Variants in PTPRK observed in about 807,000 individuals in gnomAD.
PTPRK encodes protein tyrosine phosphatase receptor type K.
In PTPRK, 75 loss-of-function variants were observed where a neutral mutation model predicts 178.0. The ratio of observed to expected loss-of-function variants is 0.42; its 90% confidence interval spans 0.35 to 0.51. The LOEUF (loss-of-function observed/expected upper bound fraction) is 0.51, where lower values mean the gene tolerates loss of function less well. Ranked by LOEUF, PTPRK falls within the 20% of genes least tolerant of loss-of-function variation. PTPRK has a pLI of 0.02. For synonymous variants in PTPRK, 637 were observed against 620.6 expected (o/e 1.03, Z -0.39); for missense variants, 1,441 against 1,797.8 (o/e 0.80, Z 3.59).
chr6:128,058,367 A>G (rs1199159775), intron 13 of PTPRK, among the ~76,000 whole-genome samples: 1 of 152,182 alleles, frequency 6.6e-6, no homozygotes, highest in Non-Finnish European at 1.5e-5. Flanking sequence ...GTATAGGTGT[A>G]GTGGAATCAC....
intron 2 of PTPRK, 23 bp from the exon 3 acceptor site, chr6:128,322,333 A>C: frequency 6.5e-7 from 1 of 1,530,292 alleles, no homozygotes; most frequent in Non-Finnish European, 9.0e-7. Flanking sequence ...TACAAATAAT[A>C]ATGCTAAAGA....
chr6:128,071,445 C>A (rs146654340), intron 11 of PTPRK, among the ~76,000 whole-genome samples: 1 of 151,972 alleles, frequency 6.6e-6, no homozygotes, highest in South Asian at 2.1e-4. Flanking sequence ...CCCAGAAATA[C>A]CCGTTTCAGT....
At chr6:128,504,185 CCT>C (rs1473290859) in intron 1 of PTPRK, among the ~76,000 whole-genome samples, 1 of 152,026 alleles carries the variant, frequency 6.6e-6, no homozygotes, top group African/African-American at 2.4e-5. Flanking sequence ...TAAAAGGACC[CCT>C]CTTATTCTTT....
intron 1 of PTPRK, among the ~76,000 whole-genome samples, chr6:128,459,022 T>C (rs117972120): frequency 0.017 from 2,516 of 152,098 alleles, 29 homozygotes; most frequent in Non-Finnish European, 0.027. Flanking sequence ...GGCTTGAAAA[T>C]TGGAATGTTT....
intron 3 of PTPRK, among the ~76,000 whole-genome samples, chr6:128,315,778 C>G (rs1210260709): frequency 6.6e-6 from 1 of 152,136 alleles, no homozygotes; most frequent in Non-Finnish European, 1.5e-5. Flanking sequence ...AGAATTGAAA[C>G]TGAAATCACC....
intron 7 of PTPRK, among the ~76,000 whole-genome samples, chr6:128,165,250 T>G (rs1411814735): frequency 6.6e-6 from 1 of 151,388 alleles, no homozygotes; most frequent in African/African-American, 2.4e-5. Context: ...TTTTGTTATA[T>G]AAAAAAGAAA....
At chr6:127,985,976 C>A in intron 21 of PTPRK, 101 bp from the exon 22 acceptor site, 17 of 1,119,686 alleles carry the variant, frequency 1.5e-5, no homozygotes, top group South Asian at 1.1e-4. Flanking sequence ...ACAATGATAA[C>A]AATAAAACCT....
chr6:128,299,510 G>C lies in PTPRK; in HGVS notation c.495+22529C>G, dbSNP rs908439343. ...CAGTAACCAAAACAGCATGGTACTG[G>C]TACCAAAACAGAGATATAGATCAAT... On this transcript the variant is annotated intron_variant, in intron 3 of 29. Transcript: ENST00000368226. Among the ~76,000 whole-genome samples, 1,511 of 151,364 alleles carry C rather than the reference G, an allele frequency of 1.0e-2. 26 individuals carry two copies. Among genetic ancestry groups the C allele is most frequent in the African/African-American group, 0.034 (1,423 of 41,300 alleles).
chr6:128,095,959 G>A (rs1787841814), intron 7 of PTPRK, among the ~76,000 whole-genome samples: 1 of 152,120 alleles, frequency 6.6e-6, no homozygotes, highest in South Asian at 2.1e-4. Flanking sequence ...TATCTTCCCT[G>A]TCAAATGTTG....
chr6:128,344,866 G>T (rs1269827754), intron 2 of PTPRK, among the ~76,000 whole-genome samples: 2 of 151,926 alleles, frequency 1.3e-5, no homozygotes, highest in East Asian at 3.9e-4. Context: ...AGCTTTTGTT[G>T]GTACCTCTGT....
intron 21 of PTPRK, among the ~76,000 whole-genome samples, chr6:127,986,656 A>G (rs766026026): frequency 2.6e-5 from 4 of 152,134 alleles, no homozygotes; most frequent in Non-Finnish European, 5.9e-5. Context: ...ATTTATTTTT[A>G]AGAACTCACA....
chr6:128,250,165 A>G (rs1463318371), intron 3 of PTPRK, among the ~76,000 whole-genome samples: 3 of 152,208 alleles, frequency 2.0e-5, no homozygotes, highest in Non-Finnish European at 4.4e-5. Context: ...TGAATCTATC[A>G]AACCTATTTT....
At chr6:128,336,202 T>G (rs13210082) in intron 2 of PTPRK, among the ~76,000 whole-genome samples, 1,574 of 140,330 alleles carry the variant, frequency 0.011, 12 homozygotes, top group African/African-American at 0.027. Flanking sequence ...TTTTTTTTTT[T>G]GTTTTTTTTT....
rs565198194 is a variant in PTPRK, at chr6:128,106,355, G to T, written c.1163-16363C>A. ...CCCAAACCCAATTAAGTGTTTGGCT[G>T]TTTATCCATCTTCTACTCCCTCTGT... On this transcript the variant is annotated intron_variant, in intron 7 of 29. Transcript: ENST00000368226. Among the ~76,000 whole-genome samples the T allele has an allele frequency of 8.0e-4, 121 of 152,088 alleles. 1 individual carries two copies. Among genetic ancestry groups the T allele is most frequent in the Middle Eastern group, 3.4e-3 (1 of 294 alleles).
chr6:128,024,833 C>A (rs945362655), intron 13 of PTPRK, among the ~76,000 whole-genome samples: 1 of 152,026 alleles, frequency 6.6e-6, no homozygotes, highest in African/African-American at 2.4e-5. Context: ...ACAACAACAA[C>A]AAACCAGGCC....
At chr6:128,124,452 T>C (rs185370149) in intron 7 of PTPRK, among the ~76,000 whole-genome samples, 84 of 152,286 alleles carry the variant, frequency 5.5e-4, no homozygotes, top group African/African-American at 1.9e-3. Flanking sequence ...ATTTCTGCCA[T>C]GTAATGTAAT....
At chr6:128,379,523 T>G (rs1837573163) in intron 2 of PTPRK, among the ~76,000 whole-genome samples, 1 of 152,310 alleles carries the variant, frequency 6.6e-6, no homozygotes, top group Non-Finnish European at 1.5e-5. Flanking sequence ...AGGAAAGTCT[T>G]GATTTTACCT....
At chr6:128,135,079 C>CACAT (rs1491309723) in intron 7 of PTPRK, among the ~76,000 whole-genome samples, 7 of 71,244 alleles carry the variant, frequency 9.8e-5, no homozygotes, top group African/African-American at 6.6e-4. Flanking sequence ...ATCATTCAAT[C>CACAT]ACACACACAC....
intron 1 of PTPRK, among the ~76,000 whole-genome samples, chr6:128,432,897 T>A (rs1194391162): frequency 6.6e-6 from 1 of 152,200 alleles, no homozygotes; most frequent in East Asian, 1.9e-4. Flanking sequence ...TGTCTTATGA[T>A]TTTGCAGCTA....
Sources: allele counts gnomAD v4.1 joint callset (sites outside exome capture counted in the v4.1 genomes callset), GRCh38; gene constraint gnomAD v4.1.1; transcripts MANE v1.5; gene names NCBI Gene and HGNC (gene_info 2026-07-23, HGNC 2026-07-21).